RAPGEF2: variants seen among roughly 807,000 people sequenced by gnomAD.
The protein encoded by RAPGEF2 is PDZ domain containing guanine nucleotide exchange factor (GEF) 1.
Under a neutral mutation model 186.7 loss-of-function variants are expected in RAPGEF2, and 54 were observed. That is an observed-to-expected ratio of 0.29 (90% CI 0.23 to 0.36). The LOEUF (loss-of-function observed/expected upper bound fraction) is 0.36. RAPGEF2 is among the 10% of genes least tolerant of loss of function. The pLI is 1.00. For synonymous variants in RAPGEF2, 712 were observed against 705.9 expected, an observed-to-expected ratio of 1.01 and a Z score of -0.14; for missense variants, 1,532 against 2,045.0, an observed-to-expected ratio of 0.75 and a Z score of 4.84.
chr4:159,338,600 C>T, intron 18 of RAPGEF2, 132 bp downstream of exon 18: 1 of 1,017,612 alleles, frequency 9.8e-7, no homozygotes, highest in Non-Finnish European at 1.4e-6. Context: ...GAAACTTAAA[C>T]TTTAAGATTT....
At chr4:159,175,639 C>A (rs1746379003) in intron 1 of RAPGEF2, among the ~76,000 whole-genome samples, 1 of 152,174 alleles carries the variant, frequency 6.6e-6, no homozygotes, top group Non-Finnish European at 1.5e-5. Flanking sequence ...TTTAAACCCC[C>A]ATCTCTGTGT....
At position 159,104,220 on chromosome 4, in the gene RAPGEF2, A is replaced by T; in HGVS notation, c.58A>T (p.Arg20Trp). The T allele has an allele frequency of 8.8e-7, 1 of 1,141,278 alleles. No homozygotes were observed. The highest frequency in any genetic ancestry group is 2.8e-5 in the Admixed American group (1 of 35,550). 70.7% of individuals were successfully genotyped at this position (1,141,278 alleles called of 1,614,324 possible). A position where few individuals can be genotyped will look rare whatever the true frequency, so the allele number is the denominator to read the frequency against. The change falls in exon 1 of 30, where the codon AGG becomes TGG. Residue 20 changes from arginine to tryptophan, a missense_variant. Physicochemically the swap from Arg to Trp is moderately radical, Grantham distance 101. This residue lies in a region of RAPGEF2 where 810 missense variants were observed against 1,210.5 expected (regional missense o/e 0.67). Transcript: ENST00000691494. ...GGCGGTGATGAAGAATCCCCCCGAA[A>T]GGACCCCCCAGGTGAGAACGCGGCG... ...RQAVMKNPPE[R>W]TPQDLEIVYS...
At chr4:159,170,774 A>G (rs979015425) in intron 1 of RAPGEF2, among the ~76,000 whole-genome samples, 3 of 152,098 alleles carry the variant, frequency 2.0e-5, no homozygotes, top group Admixed American at 6.5e-5. Flanking sequence ...CCAGAAAATT[A>G]TTGCCTGTAC....
intron 11 of RAPGEF2, chr4:159,329,601 T>C (rs1168154420): frequency 4.4e-6 from 1 of 227,442 alleles, no homozygotes; most frequent in Non-Finnish European, 8.5e-6. Flanking sequence ...TAATTATGTC[T>C]TTTGATTTTT....
chr4:159,235,317 A>C (rs1434896599), intron 4 of RAPGEF2, among the ~76,000 whole-genome samples: 2 of 152,130 alleles, frequency 1.3e-5, no homozygotes, highest in Non-Finnish European at 2.9e-5. Context: ...TGCTGTGCTA[A>C]TGCATTCAAA....
chr4:159,356,434 C>T (rs1247392398), intron 29 of RAPGEF2, among the ~76,000 whole-genome samples: 2 of 148,030 alleles, frequency 1.4e-5, no homozygotes, highest in Admixed American at 6.7e-5. Flanking sequence ...TTTTCTTCTC[C>T]AATTCTCACT....
chr4:159,348,004 C>T (rs1472677652), intron 25 of RAPGEF2, among the ~76,000 whole-genome samples: 1 of 152,198 alleles, frequency 6.6e-6, no homozygotes, highest in Admixed American at 6.5e-5. Flanking sequence ...GTGAATCACT[C>T]GAGGCCAGGA....
intron 11 of RAPGEF2, 120 bp from the exon 12 acceptor site, chr4:159,329,738 A>C: frequency 1.2e-5 from 9 of 733,220 alleles, no homozygotes; most frequent in Non-Finnish European, 1.9e-5. Context: ...ATTAATTTAG[A>C]AAGTATGGGA....
At chr4:159,205,527 C>T (rs1749878014) in intron 3 of RAPGEF2, among the ~76,000 whole-genome samples, 1 of 152,160 alleles carries the variant, frequency 6.6e-6, no homozygotes, top group African/African-American at 2.4e-5. Flanking sequence ...TCTGTGTCCC[C>T]ACCCAAATCT....
intron 2 of RAPGEF2, among the ~76,000 whole-genome samples, chr4:159,192,681 A>C (rs1419190667): frequency 6.6e-6 from 1 of 152,224 alleles, no homozygotes; most frequent in Non-Finnish European, 1.5e-5. Context: ...GAAGTAACAA[A>C]TCTTTAAAGT....
intron 7 of RAPGEF2, chr4:159,268,361 A>C: frequency 1.7e-6 from 1 of 602,900 alleles, no homozygotes; most frequent in South Asian, 2.8e-5. Flanking sequence ...GGGTGCATTA[A>C]AGCTGGCTTG....
At chr4:159,195,581 C>A (rs943835393) in intron 3 of RAPGEF2, among the ~76,000 whole-genome samples, 53 of 152,202 alleles carry the variant, frequency 3.5e-4, no homozygotes, top group African/African-American at 1.2e-3. Flanking sequence ...AAAGAACTGC[C>A]AAGCTCCCAC....
At chr4:159,280,844 A>G (rs1759592666) in intron 7 of RAPGEF2, among the ~76,000 whole-genome samples, 1 of 152,212 alleles carries the variant, frequency 6.6e-6, no homozygotes, top group African/African-American at 2.4e-5. Context: ...GGACCTCTAC[A>G]CAGCAATAGG....
At chr4:159,237,841 T>TA (rs1753452628) in intron 4 of RAPGEF2, among the ~76,000 whole-genome samples, 1 of 21,510 alleles carries the variant, frequency 4.6e-5, no homozygotes, top group African/African-American at 1.9e-4. Context: ...TCTACAAAAA[T>TA]TAAAAAAAAA....
intron 2 of RAPGEF2, among the ~76,000 whole-genome samples, chr4:159,192,519 G>T (rs1017160860): frequency 6.6e-6 from 1 of 152,110 alleles, no homozygotes; most frequent in African/African-American, 2.4e-5. Flanking sequence ...TTGCATTTCT[G>T]TATTTTGGGA....
intron 8 of RAPGEF2, 88 bp downstream of exon 8, chr4:159,304,561 AAT>A: frequency 3.2e-6 from 4 of 1,259,332 alleles, no homozygotes; most frequent in Non-Finnish European, 4.4e-6. Flanking sequence ...CTATAAAATA[AAT>A]ATATGTGTAT....
intron 7 of RAPGEF2, among the ~76,000 whole-genome samples, chr4:159,290,526 G>A (rs1231276789): frequency 6.6e-6 from 1 of 152,192 alleles, no homozygotes; most frequent in African/African-American, 2.4e-5. Flanking sequence ...GTAAACCACA[G>A]CTTAATACAG....
chr4:159,194,837 C>T (rs1290739714), intron 3 of RAPGEF2, among the ~76,000 whole-genome samples: 1 of 152,114 alleles, frequency 6.6e-6, no homozygotes, highest in Non-Finnish European at 1.5e-5. Context: ...TCCCTATCTA[C>T]CTGTTCCCTC....
rs150779280 is a variant in RAPGEF2 at position 159,352,111 on chromosome 4, C to T, written c.3866-574C>T. Among the ~76,000 whole-genome samples, 1,253 of 152,286 alleles carry T rather than the reference C, an allele frequency of 8.2e-3. 15 individuals are homozygous for T. Among genetic ancestry groups the T allele is most frequent in the African/African-American group, 0.028 (1,176 of 41,538 alleles). ...AAAGTGCCCTTTAACTCCTTCAAAA[C>T]GATTGGCTTTTATGTGGTTCAACCA... On this transcript the variant is annotated intron_variant, in intron 26 of 29. Transcript: ENST00000691494.
Sources: gnomAD v4.1 joint callset for allele counts (sites outside exome capture counted in the v4.1 genomes callset) on GRCh38, gnomAD v4.1.1 for gene constraint, gnomAD v4.1.1 regional missense constraint, MANE v1.5 for transcripts, NCBI Gene and HGNC (gene_info 2026-07-23, HGNC 2026-07-21) for gene names.